MSRA: variants seen among roughly 807,000 people sequenced by gnomAD.
MSRA encodes methionine sulfoxide reductase A.
A neutral mutation model predicts 31.3 loss-of-function variants in MSRA; 54 were observed. That is an observed-to-expected ratio of 1.73 (90% CI 1.39 to 2.17). The LOEUF (loss-of-function observed/expected upper bound fraction) is 2.17, where lower values mean the gene tolerates loss of function less well. MSRA is among the 30% of genes most tolerant of loss of function. The pLI, the probability that MSRA is intolerant of heterozygous loss-of-function variation, is 0.00. For missense variants in MSRA, 507 were observed against 300.9 expected, an observed-to-expected ratio of 1.69 and a Z score of -5.07; for synonymous variants, 169 against 116.5, an observed-to-expected ratio of 1.45 and a Z score of -2.90.
At chr8:10,268,393 C>T (rs1156662482) in intron 3 of MSRA, among the ~76,000 whole-genome samples, 3 of 152,142 alleles carry the variant, frequency 2.0e-5, no homozygotes, top group Non-Finnish European at 4.4e-5. Context: ...CTCTTTTATT[C>T]CAGCCATTAC....
At chr8:10,254,841 G>A (rs1026285777) in intron 3 of MSRA, among the ~76,000 whole-genome samples, 5 of 152,232 alleles carry the variant, frequency 3.3e-5, no homozygotes, top group African/African-American at 4.8e-5. Flanking sequence ...CTGTGCCAAA[G>A]TTTTGAAAAT....
chr8:10,067,860 T>A (rs369443822), intron 1 of MSRA, among the ~76,000 whole-genome samples: 2 of 149,722 alleles, frequency 1.3e-5, no homozygotes, highest in Admixed American at 1.3e-4. Context: ...TCAGTTGGGT[T>A]GTTTTCTTAC....
chr8:10,115,838 T>C (rs75031420), intron 1 of MSRA, among the ~76,000 whole-genome samples: 2,363 of 152,302 alleles, frequency 0.016, 58 homozygotes, highest in African/African-American at 0.053. Context: ...TCAATGACTG[T>C]TTAATGAATT....
intron 5 of MSRA, among the ~76,000 whole-genome samples, chr8:10,391,832 G>A (rs755528591): frequency 6.6e-6 from 1 of 152,184 alleles, no homozygotes; most frequent in Non-Finnish European, 1.5e-5. Flanking sequence ...GTGAGCAGAC[G>A]GTGGTGTCTT....
At chr8:10,141,996 T>C (rs945738210) in intron 1 of MSRA, among the ~76,000 whole-genome samples, 10 of 152,326 alleles carry the variant, frequency 6.6e-5, no homozygotes, top group African/African-American at 2.4e-4. Context: ...TTCGCACTTG[T>C]TTCCCAGTCT....
intron 5 of MSRA, among the ~76,000 whole-genome samples, chr8:10,324,882 A>G (rs1457452869): frequency 6.6e-6 from 1 of 152,250 alleles, no homozygotes; most frequent in Non-Finnish European, 1.5e-5. Context: ...GCCATCAGTC[A>G]TAGGTTGATT....
At chr8:10,230,915 G>T (rs1397310376) in intron 2 of MSRA, among the ~76,000 whole-genome samples, 1 of 152,296 alleles carries the variant, frequency 6.6e-6, no homozygotes, top group African/African-American at 2.4e-5. Flanking sequence ...CTCCCAAGTA[G>T]CTGGGATTAC....
chr8:10,169,653 T>A (rs897491804), intron 1 of MSRA, among the ~76,000 whole-genome samples: 4 of 152,234 alleles, frequency 2.6e-5, no homozygotes, highest in Non-Finnish European at 2.9e-5. Flanking sequence ...TCAAAAACAT[T>A]GTTCAGAAAA....
intron 1 of MSRA, among the ~76,000 whole-genome samples, chr8:10,088,255 A>G (rs928160562): frequency 3.9e-5 from 6 of 152,244 alleles, no homozygotes; most frequent in Non-Finnish European, 8.8e-5. Context: ...TGGTATAGCC[A>G]TTATGGAAAA....
At chr8:10,074,125 C>T (rs1797878422) in intron 1 of MSRA, among the ~76,000 whole-genome samples, 1 of 116,950 alleles carries the variant, frequency 8.6e-6, no homozygotes, top group South Asian at 3.0e-4. Context: ...CTCTGTCCCC[C>T]AGGCTGGAGT....
chr8:10,082,606 C>A (rs1368713005), intron 1 of MSRA, among the ~76,000 whole-genome samples: 1 of 152,166 alleles, frequency 6.6e-6, no homozygotes, highest in Non-Finnish European at 1.5e-5. Context: ...AAAGATGGGA[C>A]TTTTTGAACA....
intron 5 of MSRA, among the ~76,000 whole-genome samples, chr8:10,397,222 T>C (rs1807151716): frequency 6.6e-6 from 1 of 152,194 alleles, no homozygotes; most frequent in South Asian, 2.1e-4. Context: ...CTCTAATGCT[T>C]GTGGAACAAA....
chr8:10,248,966 G>C (rs1370522659), intron 3 of MSRA, among the ~76,000 whole-genome samples: 2 of 152,210 alleles, frequency 1.3e-5, no homozygotes, highest in African/African-American at 2.4e-5. Flanking sequence ...GTGTCTGTAG[G>C]ATTTCAGAGT....
intron 5 of MSRA, among the ~76,000 whole-genome samples, chr8:10,423,447 A>T (rs1182060860): frequency 7.0e-6 from 1 of 142,646 alleles, no homozygotes; most frequent in Non-Finnish European, 1.5e-5. Context: ...ACTGGCATGC[A>T]CCCATGCCGG....
At chr8:10,264,061 G>A (rs567030092) in intron 3 of MSRA, among the ~76,000 whole-genome samples, 1 of 152,062 alleles carries the variant, frequency 6.6e-6, no homozygotes, top group African/African-American at 2.4e-5. Context: ...ACCTTAATAA[G>A]CTAATGATTT....
At position 10,280,033 on chromosome 8, in the gene MSRA, C is replaced by G. The variant is rs76094770; in HGVS notation, c.332-21501C>G. ...AAAATAGTTATTAAAGATAGTGCAGCCTTGCTTTTTCTTCTTTCTGGGCCA... is the reference window on the plus strand; with the variant it reads ...AAAATAGTTATTAAAGATAGTGCAGGCTTGCTTTTTCTTCTTTCTGGGCCA... On this transcript the variant is annotated intron_variant, in intron 3 of 5. Coordinates refer to ENST00000317173, the MANE Select transcript of MSRA (RefSeq NM_012331.5). 5.5e-4 allele frequency among the ~76,000 whole-genome samples: 83 copies of G among 152,242 alleles called. 1 individual carries two copies. In the East Asian group the frequency reaches 0.015, roughly 28 times the overall value.
chr8:10,329,222 C>G (rs1319286649), intron 5 of MSRA, among the ~76,000 whole-genome samples: 1 of 152,242 alleles, frequency 6.6e-6, no homozygotes. Flanking sequence ...TTTATTCTCT[C>G]ATGGTTCCAG....
intron 3 of MSRA, among the ~76,000 whole-genome samples, chr8:10,262,951 A>G (rs1798557716): frequency 6.6e-6 from 1 of 152,120 alleles, no homozygotes; most frequent in African/African-American, 2.4e-5. Flanking sequence ...TGATGACTTT[A>G]GTAGCTGACT....
At chr8:10,248,198 T>C (rs138750580) in intron 3 of MSRA, among the ~76,000 whole-genome samples, 7 of 152,366 alleles carry the variant, frequency 4.6e-5, no homozygotes, top group African/African-American at 1.4e-4. Context: ...GCAATTAAGT[T>C]TGTAAAACTT....
Sources: gnomAD v4.1 joint callset for allele counts (sites outside exome capture counted in the v4.1 genomes callset) on GRCh38, gnomAD v4.1.1 for gene constraint, MANE v1.5 for transcripts, NCBI Gene and HGNC (gene_info 2026-07-23, HGNC 2026-07-21) for gene names.